NWD2: variants seen among roughly 807,000 people sequenced by gnomAD.
NWD2 encodes the protein NACHT and WD repeat domain-containing protein 2.
A neutral mutation model predicts 132.7 loss-of-function variants in NWD2; 37 were observed. The observed-to-expected ratio is 0.28, with a 90% CI of 0.21 to 0.37. NWD2 has a LOEUF of 0.37. Ranked by LOEUF, NWD2 falls within the 10% of genes least tolerant of loss-of-function variation. The pLI is 1.00. For missense variants in NWD2, 1,592 were observed against 2,122.4 expected, an observed-to-expected ratio of 0.75 and a Z score of 4.91; for synonymous variants, 705 against 803.0, an observed-to-expected ratio of 0.88 and a Z score of 2.06.
chr4:37,430,098 G>A (rs566182530), intron 3 of NWD2, among the ~76,000 whole-genome samples: 43 of 152,220 alleles, frequency 2.8e-4, no homozygotes, highest in Non-Finnish European at 5.3e-4. Flanking sequence ...GTTACTAGTA[G>A]TATCACATTC....
intron 2 of NWD2, among the ~76,000 whole-genome samples, chr4:37,354,099 C>T (rs1225879014): frequency 6.6e-6 from 1 of 152,116 alleles, no homozygotes; most frequent in East Asian, 1.9e-4. Flanking sequence ...CACTCAGGAC[C>T]CTCTGCTGCA....
chr4:37,437,570 C>G (rs968667039), intron 5 of NWD2, among the ~76,000 whole-genome samples: 2 of 151,994 alleles, frequency 1.3e-5, no homozygotes, highest in African/African-American at 2.4e-5. Flanking sequence ...CGGCTGTCAT[C>G]GTGCCTGGAA....
Position 37,446,246 on chromosome 4 carries a change from G to T in NWD2, c.4258G>T (p.Ala1420Ser). 2 of 1,551,680 alleles carry T rather than the reference G, an allele frequency of 1.3e-6. No homozygotes were observed. The highest frequency in any genetic ancestry group is 1.7e-6 in the Non-Finnish European group (2 of 1,146,994). ...QFVVSLCEEN[A>S]SRVWRLATGH... ...TGTGGTCTCGCTCTGTGAGGAAAAT[G>T]CCTCCAGGGTTTGGAGGCTCGCCAC... Residue 1420 changes from alanine (A) to serine (S), a missense_variant, in exon 7 of 7, where the codon GCC becomes TCC. Ala to Ser is a moderately conservative substitution (Grantham distance 99). Transcript: ENST00000309447. This position sits in a 1 kb window ranked among gnomAD's most constrained non-coding sequence, Gnocchi z 6.7.
At chr4:37,273,521 A>T (rs1453089350) in intron 1 of NWD2, among the ~76,000 whole-genome samples, 1 of 152,114 alleles carries the variant, frequency 6.6e-6, no homozygotes, top group African/African-American at 2.4e-5. Context: ...AGACAGAGCA[A>T]TGAGACAGAA....
intron 3 of NWD2, among the ~76,000 whole-genome samples, chr4:37,384,517 C>G (rs183511813): frequency 6.6e-6 from 1 of 152,302 alleles, no homozygotes; most frequent in East Asian, 1.9e-4. Context: ...AAGCCATATT[C>G]TCTCTTTTGT....
intron 1 of NWD2, among the ~76,000 whole-genome samples, chr4:37,300,467 A>G (rs1232305901): frequency 3.0e-4 from 45 of 152,270 alleles, no homozygotes; most frequent in Admixed American, 2.9e-3. Flanking sequence ...AATAGACTTT[A>G]ACATGAAAAA....
At chr4:37,370,772 C>T (rs1720210405) in intron 3 of NWD2, among the ~76,000 whole-genome samples, 1 of 152,152 alleles carries the variant, frequency 6.6e-6, no homozygotes, top group Non-Finnish European at 1.5e-5. Flanking sequence ...TTCTTCAAGA[C>T]AGGAGGAATG....
intron 1 of NWD2, among the ~76,000 whole-genome samples, chr4:37,313,414 G>C (rs565960212): frequency 6.6e-6 from 1 of 151,082 alleles, no homozygotes; most frequent in Non-Finnish European, 1.5e-5. Context: ...GTTTATTTGC[G>C]TAGAGTTATT....
At chr4:37,442,752 G>T (rs553443466) in intron 6 of NWD2, among the ~76,000 whole-genome samples, 4 of 152,052 alleles carry the variant, frequency 2.6e-5, no homozygotes, top group Admixed American at 6.6e-5. Context: ...AGTAATTTCA[G>T]TACTGAATAT....
At chr4:37,313,487 T>A (rs948570686) in intron 1 of NWD2, among the ~76,000 whole-genome samples, 1 of 149,154 alleles carries the variant, frequency 6.7e-6, no homozygotes, top group Non-Finnish European at 1.5e-5. Context: ...CCCTTTATCA[T>A]TTTTTATTGT....
At chr4:37,402,048 G>A (rs1422919081) in intron 3 of NWD2, among the ~76,000 whole-genome samples, 1 of 152,128 alleles carries the variant, frequency 6.6e-6, no homozygotes, top group Non-Finnish European at 1.5e-5. Flanking sequence ...TACCTTAGGA[G>A]TGAATTCGTT....
chr4:37,256,930 G>A (rs1717532343), intron 1 of NWD2, among the ~76,000 whole-genome samples: 1 of 152,134 alleles, frequency 6.6e-6, no homozygotes, highest in Non-Finnish European at 1.5e-5. Flanking sequence ...TTAAGAGGTG[G>A]GATCTATGAC....
intron 3 of NWD2, among the ~76,000 whole-genome samples, chr4:37,388,655 A>ATATATATCAGATATAAATATATATCG (rs1720618671): frequency 7.1e-6 from 1 of 140,824 alleles, no homozygotes; most frequent in Non-Finnish European, 1.5e-5. Flanking sequence ...TATATATATC[A>ATATATATCAGATATAAATATATATCG]TATATATCAT....
Position 37,280,063 on chromosome 4 carries a change from C to G in NWD2, c.151+34845C>G, listed in dbSNP as rs919812370. Among the ~76,000 whole-genome samples, 4 of 152,120 alleles carry G rather than the reference C, an allele frequency of 2.6e-5. No homozygotes were observed. The East Asian group carries it at 5.8e-4, about 22-fold the overall frequency. ...TTATATATCCAGAGTACAGAAAGTCCTCCCCTAATGTCATCAGTAGATTCG... is the reference window on the plus strand; with the variant it reads ...TTATATATCCAGAGTACAGAAAGTCGTCCCCTAATGTCATCAGTAGATTCG... On this transcript the variant is annotated intron_variant, in intron 1 of 6. Transcript: ENST00000309447.
At chr4:37,309,218 C>T (rs538227040) in intron 1 of NWD2, among the ~76,000 whole-genome samples, 15 of 152,306 alleles carry the variant, frequency 9.8e-5, no homozygotes, top group Admixed American at 9.8e-4. Flanking sequence ...GCAGCAGGCC[C>T]CAGGCAGGCC....
chr4:37,306,014 A>G (rs532404765), intron 1 of NWD2, among the ~76,000 whole-genome samples: 139 of 152,020 alleles, frequency 9.1e-4, no homozygotes, highest in African/African-American at 3.2e-3. Flanking sequence ...TCCTGATTCA[A>G]CCTCATCATT....
At chr4:37,394,091 C>A (rs560708093) in intron 3 of NWD2, among the ~76,000 whole-genome samples, 12 of 152,164 alleles carry the variant, frequency 7.9e-5, no homozygotes, top group Admixed American at 5.9e-4. Context: ...CTTAAGATAA[C>A]CACACTGAGC....
intron 2 of NWD2, among the ~76,000 whole-genome samples, chr4:37,354,905 G>A (rs898743618): frequency 7.2e-5 from 11 of 152,036 alleles, no homozygotes; most frequent in African/African-American, 2.7e-4. Context: ...ATGACCCTTT[G>A]CAAATTATGG....
chr4:37,274,272 A>G (rs1008643134), intron 1 of NWD2, among the ~76,000 whole-genome samples: 6 of 152,168 alleles, frequency 3.9e-5, no homozygotes, highest in Non-Finnish European at 7.4e-5. Context: ...CCACAGAAAT[A>G]CAAACTACCA....
Sources: gnomAD v4.1 joint callset for allele counts (sites outside exome capture counted in the v4.1 genomes callset) on GRCh38, gnomAD v4.1.1 for gene constraint, Gnocchi (gnomAD v3.1) non-coding constraint, MANE v1.5 for transcripts, NCBI Gene and HGNC (gene_info 2026-07-23, HGNC 2026-07-21) for gene names.